Variants in RGS6 observed in about 807,000 individuals in gnomAD.
RGS6 encodes regulator of G protein signaling 6, also known as regulator of G-protein signaling 6.
In RGS6, 30 loss-of-function variants were observed where a neutral mutation model predicts 78.5. The ratio of observed to expected loss-of-function variants is 0.38; its 90% CI spans 0.29 to 0.52. The LOEUF (loss-of-function observed/expected upper bound fraction) is 0.52. Ranked by LOEUF, RGS6 falls within the 20% of genes least tolerant of loss-of-function variation. RGS6 has a pLI of 0.85. For missense variants in RGS6, 495 were observed against 609.7 expected (o/e 0.81, Z 1.98); for synonymous variants, 206 against 206.0 (o/e 1.00, Z 0.00).
At chr14:72,044,038 A>G (rs974288141) in intron 2 of RGS6, among the ~76,000 whole-genome samples, 4 of 151,934 alleles carry the variant, frequency 2.6e-5, no homozygotes, top group Non-Finnish European at 4.4e-5. Flanking sequence ...GGAGGTGTCT[A>G]TTGAGCTATC....
intron 1 of RGS6, among the ~76,000 whole-genome samples, chr14:71,944,216 T>C (rs2091121653): frequency 6.6e-6 from 1 of 152,180 alleles, no homozygotes; most frequent in Non-Finnish European, 1.5e-5. Context: ...CGTCATATGG[T>C]TGTGGGCTGA....
chr14:72,268,224 G>A (rs571404718), intron 2 of RGS6, among the ~76,000 whole-genome samples: 102 of 152,144 alleles, frequency 6.7e-4, no homozygotes, highest in Non-Finnish European at 1.1e-3. Flanking sequence ...GGAGCATGGC[G>A]GGTCCCTCAT....
chr14:72,018,488 T>G (rs1304894774), intron 2 of RGS6, among the ~76,000 whole-genome samples: 1 of 152,210 alleles, frequency 6.6e-6, no homozygotes, highest in African/African-American at 2.4e-5. Flanking sequence ...TTATGTGAAT[T>G]TCTCAGATTG....
At chr14:72,288,521 T>C (rs890266498) in intron 2 of RGS6, among the ~76,000 whole-genome samples, 4 of 152,212 alleles carry the variant, frequency 2.6e-5, no homozygotes, top group African/African-American at 9.6e-5. Flanking sequence ...CTAAGTAGTC[T>C]GTCAGAGTTT....
At chr14:72,401,901 G>T (rs2092442789) in intron 3 of RGS6, among the ~76,000 whole-genome samples, 1 of 152,152 alleles carries the variant, frequency 6.6e-6, no homozygotes, top group Non-Finnish European at 1.5e-5. Context: ...GGAAACAGAT[G>T]GCTCACTAAA....
At chr14:72,050,661 C>T (rs1347579593) in intron 2 of RGS6, among the ~76,000 whole-genome samples, 1 of 152,166 alleles carries the variant, frequency 6.6e-6, no homozygotes. Context: ...ATTGTGTTCT[C>T]CTCTAGCAGG....
intron 2 of RGS6, among the ~76,000 whole-genome samples, chr14:72,273,293 G>T (rs1334278619): frequency 1.3e-5 from 2 of 152,134 alleles, no homozygotes; most frequent in East Asian, 3.8e-4. Flanking sequence ...ATGTATGTGG[G>T]TCATTAGACA....
the RGS6 span, among the ~76,000 whole-genome samples, chr14:71,916,363 A>G: frequency 1.8e-3 from 279 of 152,314 alleles, no homozygotes; most frequent in Non-Finnish European, 2.5e-3. Context: ...AAAGGCCCCC[A>G]CTGATGAAAT....
At chr14:72,195,632 G>A (rs1202433462) in intron 2 of RGS6, among the ~76,000 whole-genome samples, 3 of 152,208 alleles carry the variant, frequency 2.0e-5, no homozygotes, top group African/African-American at 7.2e-5. Flanking sequence ...AAGTCACAGC[G>A]CTCAAAGCAG....
At chr14:71,954,665 T>C (rs2092650858) in intron 1 of RGS6, among the ~76,000 whole-genome samples, 1 of 152,192 alleles carries the variant, frequency 6.6e-6, no homozygotes, top group Non-Finnish European at 1.5e-5. Flanking sequence ...TATCAAATGG[T>C]AGGTCTTACT....
chr14:72,601,834 G>T, the RGS6 span, among the ~76,000 whole-genome samples: 3 of 152,052 alleles, frequency 2.0e-5, no homozygotes, highest in African/African-American at 4.8e-5. Context: ...CTTCCTCCCC[G>T]CCAACAACCT....
At chr14:72,292,874 C>T (rs2063871262) in intron 2 of RGS6, among the ~76,000 whole-genome samples, 1 of 152,172 alleles carries the variant, frequency 6.6e-6, no homozygotes, top group Admixed American at 6.5e-5. Flanking sequence ...GACACAGGGA[C>T]CTTGACATGG....
chr14:71,955,802 T>G (rs900324979), intron 1 of RGS6, among the ~76,000 whole-genome samples: 12 of 147,372 alleles, frequency 8.1e-5, no homozygotes, highest in African/African-American at 3.1e-4. Flanking sequence ...CGTAACTCTC[T>G]GGGAATGCAG....
intron 2 of RGS6, among the ~76,000 whole-genome samples, chr14:72,161,065 AAG>A (rs1567344928): frequency 6.6e-6 from 1 of 152,222 alleles, no homozygotes; most frequent in Non-Finnish European, 1.5e-5. Flanking sequence ...GCAGCCATAA[AAG>A]AGGATGAGTT....
rs1595051389 is a variant in RGS6 at position 72,268,315 on chromosome 14, T to C, written c.85-83780T>C. Among the ~76,000 whole-genome samples, 3 of 152,334 alleles carry C rather than the reference T, an allele frequency of 2.0e-5. No homozygotes were observed. The South Asian group carries it at 6.2e-4, about 32-fold the overall frequency. ...AGGTATGGTATTGGGAGTTTTCTGT[T>C]CTCCTGTTTTCCCATTCTGTAATGT... On this transcript the variant is annotated intron_variant, in intron 2 of 17. Transcript: ENST00000553525.
At chr14:72,428,505 C>T (rs2094510676) in intron 3 of RGS6, among the ~76,000 whole-genome samples, 1 of 152,044 alleles carries the variant, frequency 6.6e-6, no homozygotes, top group Non-Finnish European at 1.5e-5. Context: ...TCTGAATGTT[C>T]GAAGCAGTGA....
intron 2 of RGS6, among the ~76,000 whole-genome samples, chr14:72,101,339 T>A (rs1268798923): frequency 6.6e-6 from 1 of 152,224 alleles, no homozygotes; most frequent in Non-Finnish European, 1.5e-5. Flanking sequence ...TACCACTGTT[T>A]TGAGCTCCAT....
At chr14:71,909,813 A>G in the RGS6 span, among the ~76,000 whole-genome samples, 2 of 152,192 alleles carry the variant, frequency 1.3e-5, no homozygotes, top group Non-Finnish European at 2.9e-5. Flanking sequence ...AAACACTTTT[A>G]TAATGGTGAA....
chr14:72,536,234 C>T lies in RGS6; in HGVS notation c.1327C>T (p.Arg443Trp), dbSNP rs748675132. The T allele has an allele frequency of 6.2e-6, 10 of 1,613,954 alleles. No homozygotes were observed. The highest frequency in any genetic ancestry group is 2.2e-5 in the South Asian group (2 of 91,068). ...MKSDSYARFL[R>W]SNAYQDLLLA... ...GAGTGACAGCTATGCCCGCTTCCTC[C>T]GGTCAAATGCTTACCAGGATTTGCT... The change falls in exon 16 of 18, where the codon CGG becomes TGG. Residue 443 changes from arginine to tryptophan, a missense_variant. By Grantham distance (101) the Arg-to-Trp change is moderately radical (BLOSUM62 -3). Coordinates refer to ENST00000553525, the MANE Select transcript of RGS6 (RefSeq NM_001204424.2).
Sources: gnomAD v4.1 joint callset for allele counts (sites outside exome capture counted in the v4.1 genomes callset) on GRCh38, gnomAD v4.1.1 for gene constraint, MANE v1.5 for transcripts, NCBI Gene and HGNC (gene_info 2026-07-23, HGNC 2026-07-21) for gene names.